Variants in CARF observed in about 807,000 individuals in gnomAD.
CARF encodes the protein calcium-responsive transcription factor.
In CARF, 57 loss-of-function variants were observed where a neutral mutation model predicts 82.0. That is an observed-to-expected ratio of 0.70 (90% CI 0.56 to 0.87). CARF has a LOEUF of 0.87. Ranked by LOEUF, CARF falls within the 40% of genes least tolerant of loss-of-function variation. The pLI is 0.00. For missense variants in CARF, 771 were observed against 855.8 expected, an observed-to-expected ratio of 0.90 and a Z score of 1.24; for synonymous variants, 268 against 290.1, an observed-to-expected ratio of 0.92 and a Z score of 0.77.
intron 1 of CARF, among the ~76,000 whole-genome samples, chr2:202,917,172 C>G (rs1450507896): frequency 8.3e-6 from 1 of 119,850 alleles, no homozygotes; most frequent in Non-Finnish European, 1.6e-5. Context: ...GATCCCGCCA[C>G]TGCACTCCAG....
At chr2:202,971,166 C>T (rs2059776512) in intron 11 of CARF, among the ~76,000 whole-genome samples, 1 of 152,068 alleles carries the variant, frequency 6.6e-6, no homozygotes, top group Admixed American at 6.6e-5. Flanking sequence ...TGAATTTTCT[C>T]ATGAACCCAA....
rs763850159 is a variant in CARF at position 202,969,969 on chromosome 2, A to T, written c.1004A>T (p.Asp335Val). 1 of 1,570,428 alleles carries T rather than the reference A, an allele frequency of 6.4e-7. No individual in the cohort carries two copies. Among genetic ancestry groups the T allele is most frequent in the Non-Finnish European group, 8.6e-7 (1 of 1,166,856 alleles). ...QKFPEYRVPT[D>V]PKIDKKIIRM... Reference sequence around the variant, plus strand: ...TTTCCTGAATATAGAGTTCCTACAGACCCCAAAATTGACAAGAAAATTATC... The same window carrying T: ...TTTCCTGAATATAGAGTTCCTACAGTCCCCAAAATTGACAAGAAAATTATC... Residue 335 changes from aspartate (D) to valine (V), a missense_variant, in exon 11 of 17, where the codon GAC becomes GTC. Physicochemically the swap from Asp to Val is radical, Grantham distance 152. Coordinates refer to ENST00000438828, the MANE Select transcript of CARF (RefSeq NM_024744.17).
chr2:202,914,508 C>T (rs1689224632), intron 1 of CARF, among the ~76,000 whole-genome samples: 3 of 152,054 alleles, frequency 2.0e-5, no homozygotes. Context: ...TTGTAAAGCT[C>T]TCAAAGAGCA....
chr2:202,972,291 T>G (rs1326303574), intron 12 of CARF, among the ~76,000 whole-genome samples: 1 of 152,036 alleles, frequency 6.6e-6, no homozygotes, highest in Admixed American at 6.6e-5. Flanking sequence ...ATGATCTCAT[T>G]TAGTCTTACA....
At chr2:202,917,033 A>T (rs1206829216) in intron 1 of CARF, among the ~76,000 whole-genome samples, 1 of 151,784 alleles carries the variant, frequency 6.6e-6, no homozygotes. Context: ...ACACGGTGAA[A>T]CCCTGTCTCT....
chr2:202,981,836 T>C (rs759695490), intron 15 of CARF, 151 bp downstream of exon 15: 2 of 1,011,302 alleles, frequency 2.0e-6, no homozygotes, highest in Non-Finnish European at 2.9e-6. Flanking sequence ...TTTTTGTTTC[T>C]TGATTTAAGA....
At chr2:202,951,073 G>A (rs570169577) in intron 5 of CARF, among the ~76,000 whole-genome samples, 79 of 151,560 alleles carry the variant, frequency 5.2e-4, no homozygotes, top group African/African-American at 1.8e-3. Context: ...TTGAGACAAG[G>A]TTTTGCTCTG....
intron 3 of CARF, among the ~76,000 whole-genome samples, chr2:202,933,846 G>GCTTTT (rs927232588): frequency 7.2e-6 from 1 of 139,406 alleles, no homozygotes; most frequent in South Asian, 2.7e-4. Flanking sequence ...ACCACAGTCT[G>GCTTTT]CTTTTCTTTT....
chr2:202,983,483 G>C (rs1056924075), intron 16 of CARF, 23 bp from the exon 17 acceptor site: 1 of 1,410,994 alleles, frequency 7.1e-7, no homozygotes, highest in East Asian at 2.3e-5. Context: ...TAACTTTTAG[G>C]ATTTTTCTGT....
chr2:202,966,957 A>G (rs374453360), intron 9 of CARF, 21 bp from the exon 10 acceptor site: 229 of 1,610,464 alleles, frequency 1.4e-4, no homozygotes, highest in African/African-American at 2.9e-4. Flanking sequence ...ATTAATATCA[A>G]TAGTTGGTTT....
chr2:202,956,643 A>G (rs563761209), intron 8 of CARF, among the ~76,000 whole-genome samples: 5 of 152,242 alleles, frequency 3.3e-5, no homozygotes, highest in African/African-American at 9.6e-5. Flanking sequence ...CATATCCCAT[A>G]CTGAAATCAT....
intron 10 of CARF, among the ~76,000 whole-genome samples, chr2:202,967,543 T>C (rs995857045): frequency 4.6e-5 from 7 of 152,212 alleles, no homozygotes; most frequent in Admixed American, 6.5e-5. Flanking sequence ...TCATTCTCAG[T>C]GTATCTCAAA....
chr2:202,974,575 T>C, intron 13 of CARF, 79 bp downstream of exon 13: 4 of 1,336,300 alleles, frequency 3.0e-6, no homozygotes, highest in Non-Finnish European at 4.1e-6. Flanking sequence ...GAATGGCTAG[T>C]GTTAGGCCAT....
intron 8 of CARF, among the ~76,000 whole-genome samples, chr2:202,958,390 C>T (rs2059151467): frequency 6.6e-6 from 1 of 151,772 alleles, no homozygotes; most frequent in Admixed American, 6.6e-5. Flanking sequence ...TTATTACAAG[C>T]CTCATGGAAT....
At position 202,971,754 on chromosome 2, in the gene CARF, A is replaced by G. The variant is rs2059799211; in HGVS notation, c.1331+16A>G. ...AACAGCTAAGGTACAATAGAAGAGC[A>G]TTGTTCTTTTACATTTTTCAGTTTT... On this transcript the variant is annotated intron_variant, in intron 12 of 16. Coordinates refer to ENST00000438828, the MANE Select transcript of CARF (RefSeq NM_024744.17). 2 of 1,574,276 alleles carry G rather than the reference A, an allele frequency of 1.3e-6. No homozygotes were observed. The highest frequency in any genetic ancestry group is 2.2e-5 in the South Asian group (2 of 89,594).
intron 8 of CARF, among the ~76,000 whole-genome samples, chr2:202,959,032 T>G (rs538642527): frequency 6.6e-6 from 1 of 152,270 alleles, no homozygotes; most frequent in East Asian, 1.9e-4. Flanking sequence ...TATAGGCATT[T>G]TTTTCAGATT....
intron 6 of CARF, 73 bp from the exon 7 acceptor site, chr2:202,953,932 G>A (rs1262105783): frequency 1.5e-6 from 2 of 1,319,124 alleles, no homozygotes; most frequent in Non-Finnish European, 2.0e-6. Flanking sequence ...AAATACATAA[G>A]TTTTAGTTAG....
At chr2:202,922,317 A>G (rs984356784) in intron 2 of CARF, among the ~76,000 whole-genome samples, 6 of 151,876 alleles carry the variant, frequency 4.0e-5, no homozygotes, top group African/African-American at 7.3e-5. Context: ...GGGTCTCACT[A>G]TGTCAGCCAG....
intron 1 of CARF, among the ~76,000 whole-genome samples, chr2:202,916,851 G>A (rs1405463943): frequency 6.6e-6 from 1 of 152,040 alleles, no homozygotes; most frequent in East Asian, 1.9e-4. Context: ...AACCTGAATC[G>A]TCTCTACCCC....
Sources: gnomAD v4.1 joint callset for allele counts (sites outside exome capture counted in the v4.1 genomes callset) on GRCh38, gnomAD v4.1.1 for gene constraint, MANE v1.5 for transcripts, NCBI Gene and HGNC (gene_info 2026-07-23, HGNC 2026-07-21) for gene names.